The following MR1 variants were observed in gnomAD, a reference collection of about 807,000 sequenced individuals.
The protein encoded by MR1 is major histocompatibility complex class I-related protein 1.
Under a neutral mutation model 37.8 loss-of-function variants are expected in MR1, and 44 were observed. The ratio of observed to expected loss-of-function variants is 1.16; its 90% CI spans 0.91 to 1.50. MR1 has a LOEUF of 1.50. Ranked by LOEUF, MR1 falls within the 40% of genes most tolerant of loss-of-function variation. The probability of loss-of-function intolerance (pLI) is 0.00; values close to 1 mark genes in which losing one functional copy is unlikely to be tolerated. For missense variants in MR1, 386 were observed against 419.1 expected (o/e 0.92, Z 0.69); for synonymous variants, 153 against 155.8 (o/e 0.98, Z 0.13).
At chr1:181,050,529 T>A in intron 3 of MR1, 1 of 509,180 alleles carries the variant, frequency 2.0e-6, no homozygotes, top group Non-Finnish European at 3.5e-6. Context: ...ACCTTGTTTT[T>A]AGGGATCTAT....
intron 3 of MR1, 44 bp downstream of exon 3, chr1:181,050,330 C>G (rs752465156): frequency 1.2e-6 from 2 of 1,610,030 alleles, no homozygotes; most frequent in Non-Finnish European, 1.7e-6. Flanking sequence ...GCCTGAACAA[C>G]TGTTTTTATA....
In MR1 at chr1:181,049,324, G is replaced by A. The variant is rs1400046706; in HGVS notation, c.328+12G>A. The A allele has an allele frequency of 3.1e-6, 5 of 1,608,498 alleles. No homozygotes were observed. Among genetic ancestry groups the A allele is most frequent in the Non-Finnish European group, 4.2e-6 (5 of 1,176,860 alleles). The stretch of plus-strand genomic sequence containing the variant: ...CTACAATCACTCAGGTGTGCATGCG[G>A]CAGAGACAGACGCTTCCCCCATCCC... On this transcript the variant is annotated intron_variant, in intron 2 of 5. Transcript: ENST00000367580.
chr1:181,034,837 A>G (rs1358464426), intron 1 of MR1, among the ~76,000 whole-genome samples: 1 of 152,144 alleles, frequency 6.6e-6, no homozygotes, highest in East Asian at 1.9e-4. Flanking sequence ...GGAATGACTG[A>G]CCATGGAGAT....
chr1:181,042,411 G>A (rs1053813589), intron 1 of MR1, among the ~76,000 whole-genome samples: 4 of 151,126 alleles, frequency 2.6e-5, no homozygotes, highest in Non-Finnish European at 5.9e-5. Flanking sequence ...ATGTTGGTCA[G>A]GCTGGTCTTG....
intron 1 of MR1, among the ~76,000 whole-genome samples, chr1:181,041,483 C>T (rs1447144059): frequency 6.6e-6 from 1 of 152,208 alleles, no homozygotes; most frequent in Non-Finnish European, 1.5e-5. Flanking sequence ...CTTTTTTCTC[C>T]TCTCCACATT....
chr1:181,049,686 G>T, intron 2 of MR1: 2 of 476,434 alleles, frequency 4.2e-6, no homozygotes, highest in Non-Finnish European at 3.8e-6. Flanking sequence ...ACTTTCCCAG[G>T]GGTATTTCTG....
At chr1:181,047,173 C>G (rs1657930679) in intron 1 of MR1, among the ~76,000 whole-genome samples, 1 of 152,080 alleles carries the variant, frequency 6.6e-6, no homozygotes, top group Non-Finnish European at 1.5e-5. Flanking sequence ...CAGGGAGGGC[C>G]AAACAGTTTT....
intron 1 of MR1, among the ~76,000 whole-genome samples, chr1:181,046,193 C>T (rs1657853656): frequency 6.6e-6 from 1 of 152,226 alleles, no homozygotes; most frequent in African/African-American, 2.4e-5. Flanking sequence ...CCCATGACCA[C>T]CCAAGGGCTG....
At chr1:181,033,883 C>G (rs1277727223), upstream of MR1, 7 of 649,998 alleles carry the variant, frequency 1.1e-5, no homozygotes, top group African/African-American at 1.9e-5. Context: ...TTTTTTTAAC[C>G]TAGCAACTGA....
Position 181,056,392 on chromosome 1 carries a change from A to AAT in MR1, c.*1129_*1130dup, listed in dbSNP as rs1006931420. 8 of 149,718 alleles carry AAT rather than the reference A, an allele frequency of 5.3e-5. No individual in the cohort carries two copies. The highest frequency in any genetic ancestry group is 1.7e-4 in the African/African-American group (7 of 40,744). The allele number at this position is 149,718 out of a possible 1,614,324, so 9.3% of individuals were successfully genotyped here. On this transcript the variant is annotated 3_prime_UTR_variant, in exon 6 of 6. Coordinates refer to ENST00000367580, the MANE Select transcript of MR1 (RefSeq NM_001385161.1). ...TAATAATAATAATAATAATAATAAT[A>AAT]ATAATAATAATAACAGTATATTTGG...
At chr1:181,037,290 G>A (rs149993706) in intron 1 of MR1, among the ~76,000 whole-genome samples, 1 of 152,196 alleles carries the variant, frequency 6.6e-6, no homozygotes, top group Non-Finnish European at 1.5e-5. Context: ...AAGTGACCTT[G>A]AGTTCAAAGA....
At position 181,056,054 on chromosome 1, in the gene MR1, T is replaced by G. The variant is rs1226292596; in HGVS notation, c.*789T>G. The G allele has an allele frequency of 6.6e-6, 1 of 152,188 alleles. No homozygotes were observed. The highest frequency in any genetic ancestry group is 6.6e-5 in the Admixed American group (1 of 15,266). 9.4% of individuals were successfully genotyped at this position (152,188 alleles called of 1,614,324 possible). On this transcript the variant is annotated 3_prime_UTR_variant, in exon 6 of 6. Coordinates refer to ENST00000367580, the MANE Select transcript of MR1 (RefSeq NM_001385161.1). The stretch of plus-strand genomic sequence containing the variant: ...GGAACTACAGAGACCTGGACCCAGC[T>G]GCACTATTTTAATGTAAAAATAACA...
chr1:181,045,960 G>T (rs1657834770), intron 1 of MR1, among the ~76,000 whole-genome samples: 1 of 152,248 alleles, frequency 6.6e-6, no homozygotes, highest in African/African-American at 2.4e-5. Flanking sequence ...GCAATGAGGG[G>T]CTTAGCACCC....
chr1:181,042,200 A>T (rs978018726), intron 1 of MR1, among the ~76,000 whole-genome samples: 13 of 134,118 alleles, frequency 9.7e-5, no homozygotes, highest in African/African-American at 3.7e-4. Context: ...ATCAAAGATA[A>T]TTTTTTTTTT....
At chr1:181,039,036 C>G (rs1055824006) in intron 1 of MR1, among the ~76,000 whole-genome samples, 5 of 151,928 alleles carry the variant, frequency 3.3e-5, no homozygotes, top group Admixed American at 1.3e-4. Context: ...AACTCCTGAC[C>G]TCAGGTGATC....
chr1:181,049,374 G>C (rs1001787702), intron 2 of MR1, 62 bp downstream of exon 2: 19 of 1,541,204 alleles, frequency 1.2e-5, no homozygotes, highest in Non-Finnish European at 1.6e-5. Context: ...AGACCCCTGG[G>C]CTGGCCTCCA....
In MR1 at chr1:181,056,459, C is replaced by G. The variant is rs1169337185; in HGVS notation, c.*1194C>G. 2 of 152,010 alleles carry G rather than the reference C, an allele frequency of 1.3e-5. No individual in the cohort carries two copies. The highest frequency in any genetic ancestry group is 2.9e-5 in the Non-Finnish European group (2 of 68,000). The allele number at this position is 152,010 out of a possible 1,614,324, so 9.4% of individuals were successfully genotyped here. On this transcript the variant is annotated 3_prime_UTR_variant, in exon 6 of 6. Transcript: ENST00000367580. ...AATTCTCATTTCTGCCTTTCCTGTG[C>G]TGGCTCATGGTAGCTGGGCATGACT...
chr1:181,050,170 AG>A lies in MR1; in HGVS notation c.490del (p.Ala164HisfsTer24), dbSNP rs1401117670. 6.2e-6 allele frequency: 10 copies of A among 1,614,252 alleles called. No individual in the cohort carries two copies. The highest frequency in any genetic ancestry group is 8.5e-6 in the Non-Finnish European group (10 of 1,180,046). On this transcript the variant is annotated frameshift_variant, in exon 3 of 6. Coordinates refer to ENST00000367580, the MANE Select transcript of MR1 (RefSeq NM_001385161.1). LOFTEE classifies it high-confidence loss of function. ...AVDNVAHTIK[Q>X]AWEANQHELL... Reference sequence around the variant, plus strand: ...GATAATGTGGCTCACACCATCAAGCAGGCATGGGAGGCCAATCAGCATGAGT... The same window carrying A: ...GATAATGTGGCTCACACCATCAAGCAGCATGGGAGGCCAATCAGCATGAGT...
chr1:181,042,153 T>C (rs1571382206), intron 1 of MR1, among the ~76,000 whole-genome samples: 2 of 152,042 alleles, frequency 1.3e-5, no homozygotes, highest in African/African-American at 4.8e-5. Flanking sequence ...AGATCCCAGA[T>C]TGCAGTTCAA....
Sources: allele counts gnomAD v4.1 joint callset (sites outside exome capture counted in the v4.1 genomes callset), GRCh38; gene constraint gnomAD v4.1.1; transcripts MANE v1.5; gene names NCBI Gene and HGNC (gene_info 2026-07-23, HGNC 2026-07-21).